PDZD2: variants seen among roughly 807,000 people sequenced by gnomAD.
PDZD2 encodes PDZ domain-containing protein 2.
PDZD2 carries 90 observed loss-of-function variants against 220.7 expected under a neutral mutation model. The observed-to-expected ratio is 0.41, with a 90% CI of 0.34 to 0.49. The LOEUF (loss-of-function observed/expected upper bound fraction) is 0.49. PDZD2 is among the 20% of genes least tolerant of loss of function. PDZD2 has a pLI of 0.28. For synonymous variants in PDZD2, 1,375 were observed against 1,450.5 expected (o/e 0.95, Z 1.18); for missense variants, 3,174 against 3,608.5 (o/e 0.88, Z 3.08).
intron 21 of PDZD2, among the ~76,000 whole-genome samples, chr5:32,093,346 C>T (rs999508091): frequency 6.6e-6 from 1 of 152,196 alleles, no homozygotes; most frequent in Non-Finnish European, 1.5e-5. Context: ...CAGAGCTAGT[C>T]ATCTCGGAAA....
chr5:31,670,076 T>C (rs1746156237), intron 1 of PDZD2, among the ~76,000 whole-genome samples: 1 of 152,208 alleles, frequency 6.6e-6, no homozygotes, highest in African/African-American at 2.4e-5. Context: ...CTCTTCTGGA[T>C]TGCAGAGCGG....
intron 1 of PDZD2, among the ~76,000 whole-genome samples, chr5:31,760,929 AT>A (rs1434368852): frequency 2.0e-5 from 3 of 152,200 alleles, no homozygotes; most frequent in Non-Finnish European, 4.4e-5. Context: ...TCTCAAAAAA[AT>A]AATAAATAAA....
intron 1 of PDZD2, among the ~76,000 whole-genome samples, chr5:31,690,196 T>A (rs4867077): frequency 0.43 from 65,849 of 151,648 alleles, 14,496 homozygotes; most frequent in East Asian, 0.52. Flanking sequence ...GATAGCACCC[T>A]TAGAGGGTTG....
At chr5:31,755,485 C>A (rs1751254426) in intron 1 of PDZD2, among the ~76,000 whole-genome samples, 1 of 152,188 alleles carries the variant, frequency 6.6e-6, no homozygotes, top group Non-Finnish European at 1.5e-5. Flanking sequence ...CAAAGCTAAT[C>A]AGATGGCTGT....
chr5:31,975,335 C>T (rs935447462), intron 2 of PDZD2, among the ~76,000 whole-genome samples: 2 of 152,130 alleles, frequency 1.3e-5, no homozygotes, highest in African/African-American at 4.8e-5. Flanking sequence ...TTTATAAAAC[C>T]ATCGGATCTC....
intron 2 of PDZD2, among the ~76,000 whole-genome samples, chr5:31,871,726 G>T (rs562663422): frequency 5.1e-4 from 78 of 152,334 alleles, no homozygotes; most frequent in African/African-American, 1.6e-3. Context: ...TGGGATTACA[G>T]GCATGAGCCA....
chr5:31,979,135 C>T (rs1581203566), intron 2 of PDZD2, among the ~76,000 whole-genome samples: 2 of 152,200 alleles, frequency 1.3e-5, no homozygotes, highest in South Asian at 4.1e-4. Flanking sequence ...GCATACCACT[C>T]ATCGTGTTGT....
At chr5:31,989,421 CTT>C (rs869045113) in intron 3 of PDZD2, among the ~76,000 whole-genome samples, 10 of 119,898 alleles carry the variant, frequency 8.3e-5, no homozygotes, top group African/African-American at 1.7e-4. Context: ...ATTTTCTTTT[CTT>C]TTTTTTTTTT....
chr5:31,937,624 T>C (rs1040609091), intron 2 of PDZD2, among the ~76,000 whole-genome samples: 21 of 152,228 alleles, frequency 1.4e-4, no homozygotes, highest in Admixed American at 5.9e-4. Flanking sequence ...AGTCTCTCTT[T>C]CCGTGTGATT....
chr5:31,927,921 G>T (rs1416148577), intron 2 of PDZD2, among the ~76,000 whole-genome samples: 1 of 152,098 alleles, frequency 6.6e-6, no homozygotes, highest in Non-Finnish European at 1.5e-5. Context: ...CCATTTCACA[G>T]GGTGACTCAT....
chr5:31,921,253 C>T (rs965555079), intron 2 of PDZD2, among the ~76,000 whole-genome samples: 1 of 152,148 alleles, frequency 6.6e-6, no homozygotes, highest in African/African-American at 2.4e-5. Context: ...TCCCAACTCT[C>T]CTCCATCTGT....
intron 2 of PDZD2, among the ~76,000 whole-genome samples, chr5:31,819,157 G>A (rs1201153574): frequency 6.6e-6 from 1 of 152,078 alleles, no homozygotes; most frequent in South Asian, 2.1e-4. Context: ...TACACAATGG[G>A]GCACATGGTC....
chr5:31,995,665 C>T lies in PDZD2; in HGVS notation c.1068C>T (p.Arg356=), dbSNP rs755801016. 1.2e-6 allele frequency: 2 copies of T among 1,614,124 alleles called. No homozygotes were observed. Among genetic ancestry groups the T allele is most frequent in the South Asian group, 1.1e-5 (1 of 91,078 alleles). Residue 356 remains arginine, a synonymous_variant, in exon 4 of 25, where the codon CGC becomes CGT. Transcript: ENST00000438447. ...TTAGTGGAGGCCGAGGATCAAAGCG[C>T]TCACCTCACGCTATCGTTGTCACTC... ...IQVSGGRGSK[R]SPHAIVVTQV...
intron 2 of PDZD2, among the ~76,000 whole-genome samples, chr5:31,809,101 A>C (rs1754921076): frequency 6.6e-6 from 1 of 152,246 alleles, no homozygotes. Context: ...AGTTACATCT[A>C]GAACCTTCCA....
At chr5:31,983,096 G>A in intron 2 of PDZD2, 59 bp from the exon 3 acceptor site, 3 of 1,544,684 alleles carry the variant, frequency 1.9e-6, no homozygotes, top group Admixed American at 1.9e-5. Context: ...GCGTCTGTCT[G>A]CTGTGCTGTC....
At chr5:31,730,584 GTGTGTGTGGT>G (rs1561414000) in intron 1 of PDZD2, among the ~76,000 whole-genome samples, 2 of 125,196 alleles carry the variant, frequency 1.6e-5, no homozygotes, top group African/African-American at 6.8e-5. Flanking sequence ...GTGTGTGTGT[GTGTGTGTGGT>G]GTGTGTGTGT....
intron 7 of PDZD2, among the ~76,000 whole-genome samples, chr5:32,042,870 C>A (rs1756315168): frequency 6.6e-6 from 1 of 152,148 alleles, no homozygotes; most frequent in African/African-American, 2.4e-5. Context: ...TGTTCAGGAC[C>A]TTATAAAGGG....
intron 2 of PDZD2, among the ~76,000 whole-genome samples, chr5:31,819,809 A>G (rs1285728459): frequency 1.3e-5 from 2 of 152,186 alleles, no homozygotes; most frequent in African/African-American, 2.4e-5. Context: ...TGCTTTCCCC[A>G]AGAGATTATA....
chr5:32,030,700 A>AAT (rs1248848860), intron 6 of PDZD2, among the ~76,000 whole-genome samples: 1 of 152,128 alleles, frequency 6.6e-6, no homozygotes, highest in African/African-American at 2.4e-5. Flanking sequence ...TATTTAGTGA[A>AAT]ATATCCATTG....
Sources: allele counts gnomAD v4.1 joint callset (sites outside exome capture counted in the v4.1 genomes callset), GRCh38; gene constraint gnomAD v4.1.1; transcripts MANE v1.5; gene names NCBI Gene and HGNC (gene_info 2026-07-23, HGNC 2026-07-21).